The following MYO10 variants were observed in gnomAD, a reference collection of about 807,000 sequenced individuals.
The protein encoded by MYO10 is myosin X, also known as unconventional myosin-X.
MYO10 carries 133 observed loss-of-function variants against 257.3 expected under a neutral mutation model. That is an observed-to-expected ratio of 0.52 (90% CI 0.45 to 0.60). The LOEUF is 0.60. Among genes scored for constraint, MYO10 ranks in the 20% least tolerant of loss-of-function variants. The probability of loss-of-function intolerance (pLI) is 0.00; values close to 1 mark genes in which losing one functional copy is unlikely to be tolerated. For missense variants in MYO10, 2,399 were observed against 2,635.7 expected (o/e 0.91, Z 1.97); for synonymous variants, 1,104 against 1,028.6 (o/e 1.07, Z -1.40).
In MYO10 at chr5:16,666,110, C is replaced by A. The variant is rs944676758; in HGVS notation, c.*582G>T. 6.5e-6 allele frequency: 1 copy of A among 152,894 alleles called. No individual in the cohort carries two copies. Among genetic ancestry groups the A allele is most frequent in the African/African-American group, 2.4e-5 (1 of 41,440 alleles). 9.5% of individuals were successfully genotyped at this position (152,894 alleles called of 1,614,324 possible). ...GAACACATGCACGAACAGGCAAGCACGTACACTTAAAAGATGAAACAAAGA... is the reference window on the plus strand; with the variant it reads ...GAACACATGCACGAACAGGCAAGCAAGTACACTTAAAAGATGAAACAAAGA... On this transcript the variant is annotated 3_prime_UTR_variant, in exon 41 of 41. Coordinates refer to ENST00000513610, the MANE Select transcript of MYO10 (RefSeq NM_012334.3).
intron 1 of MYO10, among the ~76,000 whole-genome samples, chr5:16,891,340 G>T (rs1745046456): frequency 2.0e-5 from 1 of 50,510 alleles, no homozygotes; most frequent in African/African-American, 8.6e-5. Context: ...AGGAAGGAAG[G>T]AAGGAAGGAA....
intron 9 of MYO10, among the ~76,000 whole-genome samples, chr5:16,779,280 T>C (rs1479651154): frequency 6.6e-6 from 1 of 152,188 alleles, no homozygotes; most frequent in Admixed American, 6.5e-5. Flanking sequence ...CTGAACACAC[T>C]GTCCCAAGTA....
chr5:16,733,152 A>AAAC (rs370186871), intron 19 of MYO10, among the ~76,000 whole-genome samples: 2,357 of 152,186 alleles, frequency 0.015, 47 homozygotes, highest in African/African-American at 0.053. Flanking sequence ...CAAAACAAAC[A>AAAC]AACAACAACA....
intron 28 of MYO10, 25 bp downstream of exon 28, chr5:16,689,799 C>A (rs377195014): frequency 4.5e-6 from 7 of 1,568,738 alleles, no homozygotes; most frequent in East Asian, 4.5e-5. Context: ...ATGTGGGTAA[C>A]ACAAAGTCAA....
intron 17 of MYO10, among the ~76,000 whole-genome samples, chr5:16,759,793 T>C (rs1463461856): frequency 6.6e-6 from 1 of 152,224 alleles, no homozygotes; most frequent in Non-Finnish European, 1.5e-5. Flanking sequence ...ACACCCATCA[T>C]TTTTACAGGT....
chr5:16,723,574 AC>A (rs1739240585), intron 19 of MYO10, among the ~76,000 whole-genome samples: 2 of 152,178 alleles, frequency 1.3e-5, no homozygotes, highest in South Asian at 4.1e-4. Flanking sequence ...TAAAAGCTGA[AC>A]ACAGTCTTAA....
intron 1 of MYO10, among the ~76,000 whole-genome samples, chr5:16,903,135 C>T (rs537739782): frequency 6.6e-6 from 1 of 152,360 alleles, no homozygotes; most frequent in African/African-American, 2.4e-5. Context: ...CTACCAGGCG[C>T]GATGGCTCAC....
chr5:16,831,456 T>C (rs973781356), intron 2 of MYO10, among the ~76,000 whole-genome samples: 1 of 151,410 alleles, frequency 6.6e-6, no homozygotes, highest in Admixed American at 6.6e-5. Context: ...ATTGCAACAA[T>C]GTGGAACCAG....
intron 19 of MYO10, among the ~76,000 whole-genome samples, chr5:16,723,406 T>A (rs1301825364): frequency 4.0e-5 from 6 of 151,478 alleles, no homozygotes; most frequent in African/African-American, 1.2e-4. Flanking sequence ...AGAAAAAAAA[T>A]TAAAACGATA....
chr5:16,877,552 A>G (rs1744639861), intron 2 of MYO10, 57 bp downstream of exon 2: 1 of 1,394,538 alleles, frequency 7.2e-7, no homozygotes, highest in Non-Finnish European at 1.0e-6. Context: ...TGCCCTGGGC[A>G]CGAATAGCTA....
At chr5:16,777,067 A>C (rs1305781805) in intron 9 of MYO10, among the ~76,000 whole-genome samples, 1 of 152,216 alleles carries the variant, frequency 6.6e-6, no homozygotes, top group African/African-American at 2.4e-5. Flanking sequence ...GACAGTAATA[A>C]ATGAACCGTG....
At chr5:16,698,413 G>A (rs1460137171) in intron 26 of MYO10, among the ~76,000 whole-genome samples, 1 of 152,068 alleles carries the variant, frequency 6.6e-6, no homozygotes, top group African/African-American at 2.4e-5. Flanking sequence ...TTTCCAAAAG[G>A]AGTGTGCCTC....
chr5:16,887,778 A>G (rs773393381), intron 1 of MYO10, among the ~76,000 whole-genome samples: 1 of 152,188 alleles, frequency 6.6e-6, no homozygotes, highest in African/African-American at 2.4e-5. Flanking sequence ...GACGTGAGCC[A>G]CCATGTCTGG....
chr5:16,739,021 T>C (rs1739915924), intron 19 of MYO10, among the ~76,000 whole-genome samples: 1 of 151,902 alleles, frequency 6.6e-6, no homozygotes, highest in South Asian at 2.1e-4. Context: ...CCAAGAAGTG[T>C]TATTAAAAAG....
intron 3 of MYO10, among the ~76,000 whole-genome samples, chr5:16,812,926 ATTTTT>A (rs756853883): frequency 1.6e-5 from 2 of 127,964 alleles, no homozygotes; most frequent in East Asian, 2.7e-4. Flanking sequence ...GGGTGCTTTT[ATTTTT>A]TTTTTTTTTT....
At chr5:16,803,771 A>T (rs1742190095) in intron 3 of MYO10, among the ~76,000 whole-genome samples, 1 of 152,206 alleles carries the variant, frequency 6.6e-6, no homozygotes, top group Non-Finnish European at 1.5e-5. Flanking sequence ...ATTTCTTAAG[A>T]TTATAGAAAA....
intron 21 of MYO10, among the ~76,000 whole-genome samples, chr5:16,705,675 C>T (rs1221746380): frequency 6.6e-6 from 1 of 152,162 alleles, no homozygotes; most frequent in Admixed American, 6.5e-5. Flanking sequence ...TGGTGCATCA[C>T]GTTCTCCCAA....
intron 1 of MYO10, among the ~76,000 whole-genome samples, chr5:16,894,770 G>T (rs937724402): frequency 6.6e-6 from 1 of 152,198 alleles, no homozygotes; most frequent in African/African-American, 2.4e-5. Flanking sequence ...ATACACAGAG[G>T]ACTGGAGCCT....
At chr5:16,877,730 T>C in intron 1 of MYO10, 23 bp from the exon 2 acceptor site, 1 of 1,584,938 alleles carries the variant, frequency 6.3e-7, no homozygotes, top group South Asian at 1.1e-5. Flanking sequence ...CAAACAAGAC[T>C]GAACTGAGTT....
Sources: gnomAD v4.1 joint callset for allele counts (sites outside exome capture counted in the v4.1 genomes callset) on GRCh38, gnomAD v4.1.1 for gene constraint, MANE v1.5 for transcripts, NCBI Gene and HGNC (gene_info 2026-07-23, HGNC 2026-07-21) for gene names.